Variants in ADGRV1 observed in about 807,000 individuals in gnomAD.
The protein encoded by ADGRV1 is adhesion G protein-coupled receptor V1.
A neutral mutation model predicts 596.2 loss-of-function variants in ADGRV1; 359 were observed. The ratio of observed to expected loss-of-function variants is 0.60; its 90% CI spans 0.55 to 0.66. The LOEUF (loss-of-function observed/expected upper bound fraction) is 0.66. ADGRV1 is among the 30% of genes least tolerant of loss of function. The pLI is 0.00. For missense variants in ADGRV1, 7,274 were observed against 7,575.6 expected (o/e 0.96, Z 1.48); for synonymous variants, 2,681 against 2,679.2 (o/e 1.00, Z -0.02).
At chr5:90,753,877 G>A (rs893660285) in intron 54 of ADGRV1, 48 bp downstream of exon 54, 4 of 1,470,886 alleles carry the variant, frequency 2.7e-6, no homozygotes, top group Non-Finnish European at 3.7e-6. Context: ...AGCTTCATTG[G>A]ATAATTTAAT....
chr5:90,611,242 AT>A (rs929894270), intron 1 of ADGRV1, among the ~76,000 whole-genome samples: 1 of 151,766 alleles, frequency 6.6e-6, no homozygotes, highest in South Asian at 2.1e-4. Flanking sequence ...TAATTCTGAA[AT>A]TTTTTTGGAG....
At chr5:91,035,865 A>G (rs552460720) in intron 85 of ADGRV1, among the ~76,000 whole-genome samples, 3 of 98,932 alleles carry the variant, frequency 3.0e-5, no homozygotes, top group Admixed American at 1.4e-4. Flanking sequence ...TATATATTAT[A>G]TATATATATA....
chr5:90,962,975 C>A (rs1268923127), intron 83 of ADGRV1, among the ~76,000 whole-genome samples: 4 of 152,120 alleles, frequency 2.6e-5, no homozygotes, highest in Non-Finnish European at 5.9e-5. Context: ...TTTAAGTTAG[C>A]ATATACTTAT....
intron 65 of ADGRV1, among the ~76,000 whole-genome samples, chr5:90,782,785 C>G (rs1181361919): frequency 6.6e-6 from 1 of 152,102 alleles, no homozygotes; most frequent in Non-Finnish European, 1.5e-5. Flanking sequence ...GCACAAACAA[C>G]TTAAATGTTT....
In ADGRV1 at chr5:90,627,161, C is replaced by G. The variant is rs1561410654; in HGVS notation, c.673-50C>G. 8.2e-6 allele frequency: 8 copies of G among 973,214 alleles called. No individual in the cohort carries two copies. The East Asian group carries it at 2.1e-4, about 26-fold the overall frequency. 60.3% of individuals were successfully genotyped at this position (973,214 alleles called of 1,614,324 possible). ...GACTTGTTACACTTTAGTTTATTTG[C>G]AGGTGTTTTGGCTGTTGATGTTTTG... On this transcript the variant is annotated intron_variant, in intron 6 of 89. Transcript: ENST00000405460.
At chr5:91,147,623 C>G (rs1267485172) in intron 87 of ADGRV1, among the ~76,000 whole-genome samples, 3 of 152,198 alleles carry the variant, frequency 2.0e-5, no homozygotes, top group Admixed American at 1.3e-4. Context: ...TTTCTGAGGC[C>G]TCCCCAGCTG....
Position 90,724,861 on chromosome 5 carries a change from C to G in ADGRV1, c.9778C>G (p.Gln3260Glu). 4 of 1,613,096 alleles carry G rather than the reference C, an allele frequency of 2.5e-6. No homozygotes were observed. Among genetic ancestry groups the G allele is most frequent in the African/African-American group, 1.3e-5 (1 of 74,988 alleles). The change falls in exon 46 of 90, where the codon CAA becomes GAA. Residue 3260 changes from glutamine to glutamate, a missense_variant. Physicochemically the swap from Gln to Glu is conservative, Grantham distance 29. This residue lies in a region of ADGRV1 where 3,643 missense variants were observed against 3,809.2 expected (regional missense o/e 0.96). Transcript: ENST00000405460. ...RGMDVVFSVF[Q>E]SFLDESASGW... ...AATGGATGTTGTGTTTTCCGTATTT[C>G]AAAGTTTTTTGGATGAATCAGCTTC...
chr5:90,692,883 T>C, intron 32 of ADGRV1, 97 bp downstream of exon 32: 1 of 899,352 alleles, frequency 1.1e-6, no homozygotes, highest in South Asian at 2.0e-5. Context: ...GGTTTTGTGG[T>C]TTTTTCTATG....
chr5:91,139,445 A>G (rs1794919918), intron 87 of ADGRV1, among the ~76,000 whole-genome samples: 2 of 152,210 alleles, frequency 1.3e-5, no homozygotes, highest in African/African-American at 4.8e-5. Context: ...GGTGTGAGAT[A>G]AGGCATCTCA....
chr5:90,830,195 C>CT (rs1764407304), intron 77 of ADGRV1, among the ~76,000 whole-genome samples: 1 of 152,030 alleles, frequency 6.6e-6, no homozygotes, highest in Admixed American at 6.6e-5. Flanking sequence ...TGAAAGTTTG[C>CT]CAGGCAGTAA....
intron 74 of ADGRV1, among the ~76,000 whole-genome samples, chr5:90,812,019 C>T (rs1259937221): frequency 6.6e-6 from 1 of 151,262 alleles, no homozygotes; most frequent in Non-Finnish European, 1.5e-5. Flanking sequence ...ACCTCTGCCT[C>T]CCGGGTTCAA....
At chr5:90,902,099 G>A (rs1771902763) in intron 83 of ADGRV1, among the ~76,000 whole-genome samples, 1 of 152,112 alleles carries the variant, frequency 6.6e-6, no homozygotes, top group Non-Finnish European at 1.5e-5. Context: ...TGCTAGATTG[G>A]ATGTTATGTG....
chr5:91,098,695 A>G (rs148529946), intron 86 of ADGRV1, among the ~76,000 whole-genome samples: 29 of 151,592 alleles, frequency 1.9e-4, no homozygotes, highest in Admixed American at 7.2e-4. Flanking sequence ...CCAGGAAAAT[A>G]TAAGCCATGG....
rs764170950 is a variant in ADGRV1, at chr5:90,716,589, A to G, written c.9307A>G (p.Ile3103Val). The G allele has an allele frequency of 5.0e-6, 8 of 1,613,774 alleles. No individual in the cohort carries two copies. In the East Asian group the frequency reaches 8.9e-5, roughly 18 times the overall value. Residue 3103 changes from isoleucine (I) to valine (V), a missense_variant, in exon 43 of 90, where the codon ATT (isoleucine) becomes GTT (valine). Ile to Val is a conservative substitution (Grantham distance 29). Coordinates refer to ENST00000405460, the MANE Select transcript of ADGRV1 (RefSeq NM_032119.4). ...YVQESVAVLY[I>V]VREPAQGLFG... ...CCAGGAGAGTGTTGCAGTATTGTAC[A>G]TTGTTCGGGAACCTGCACAAGGATT... is the stretch of plus-strand genomic sequence containing the variant.
intron 89 of ADGRV1, among the ~76,000 whole-genome samples, chr5:91,162,287 G>C (rs1043693572): frequency 6.6e-6 from 1 of 152,154 alleles, no homozygotes; most frequent in Non-Finnish European, 1.5e-5. Context: ...CAGTGGGGGG[G>C]TCAGAAATTT....
chr5:90,652,018 T>A (rs994430255), intron 18 of ADGRV1, among the ~76,000 whole-genome samples: 4 of 152,092 alleles, frequency 2.6e-5, no homozygotes, highest in African/African-American at 9.6e-5. Context: ...TCAGGAACTC[T>A]TCTCTCAGAT....
intron 87 of ADGRV1, among the ~76,000 whole-genome samples, chr5:91,126,689 T>G (rs1793788318): frequency 6.6e-6 from 1 of 152,236 alleles, no homozygotes; most frequent in Non-Finnish European, 1.5e-5. Context: ...AAAGTTGCTT[T>G]GCTTCTTGTA....
intron 85 of ADGRV1, among the ~76,000 whole-genome samples, chr5:91,054,997 C>T (rs1255385513): frequency 1.3e-5 from 2 of 152,160 alleles, no homozygotes; most frequent in African/African-American, 2.4e-5. Context: ...TGATTTTACA[C>T]GTAGGATTTA....
rs1444001674 is a variant in ADGRV1 at position 91,035,844 on chromosome 5, G to GTGTA, written c.18153-36602_18153-36601insGTAT. Among the ~76,000 whole-genome samples, 113 of 34,684 alleles carry GTGTA rather than the reference G, an allele frequency of 3.3e-3. 5 individuals carry two copies. Among genetic ancestry groups the GTGTA allele is most frequent in the South Asian group, 7.8e-3 (5 of 642 alleles). The allele number at this position is 34,684 out of a possible 152,430, so 22.8% of individuals were successfully genotyped here. A position where few individuals can be genotyped will look rare whatever the true frequency, so the allele number is the denominator to read the frequency against. On this transcript the variant is annotated intron_variant, in intron 85 of 89. Transcript: ENST00000405460. Reference sequence around the variant, plus strand: ...GATGTTGTAAGTAATAAATGAGTGTGTATATATATATATATATTATATATA... The same window carrying GTGTA: ...GATGTTGTAAGTAATAAATGAGTGTGTGTATATATATATATATATATTATATATA...
Sources: gnomAD v4.1 joint callset for allele counts (sites outside exome capture counted in the v4.1 genomes callset) on GRCh38, gnomAD v4.1.1 for gene constraint, gnomAD v4.1.1 regional missense constraint, MANE v1.5 for transcripts, NCBI Gene and HGNC (gene_info 2026-07-23, HGNC 2026-07-21) for gene names.